The following PRKCQ variants were observed in gnomAD, a reference collection of about 807,000 sequenced individuals.
PRKCQ encodes protein kinase C theta.
A neutral mutation model predicts 91.2 loss-of-function variants in PRKCQ; 41 were observed. The observed-to-expected ratio is 0.45, with a 90% confidence interval of 0.35 to 0.58. The LOEUF (loss-of-function observed/expected upper bound fraction) is 0.58, where lower values mean the gene tolerates loss of function less well. Among genes scored for constraint, PRKCQ ranks in the 20% least tolerant of loss-of-function variants. The pLI is 0.00. For missense variants in PRKCQ, 673 were observed against 896.5 expected (o/e 0.75, Z 3.18); for synonymous variants, 307 against 316.9 (o/e 0.97, Z 0.33).
intron 1 of PRKCQ, among the ~76,000 whole-genome samples, chr10:6,572,807 C>T (rs896744965): frequency 5.3e-5 from 8 of 152,182 alleles, no homozygotes; most frequent in African/African-American, 1.9e-4. Flanking sequence ...GGAATTGCCA[C>T]ACCATCTTCC....
chr10:6,508,724 T>C (rs924593656), intron 3 of PRKCQ, among the ~76,000 whole-genome samples: 2 of 152,166 alleles, frequency 1.3e-5, no homozygotes, highest in African/African-American at 4.8e-5. Context: ...AATGGAATAA[T>C]GAAAATTGGC....
intron 1 of PRKCQ, among the ~76,000 whole-genome samples, chr10:6,517,845 C>G (rs1260813596): frequency 6.6e-6 from 1 of 151,994 alleles, no homozygotes; most frequent in Non-Finnish European, 1.5e-5. Context: ...GTAAGAAAGG[C>G]ACTGTTTATG....
intron 4 of PRKCQ, among the ~76,000 whole-genome samples, chr10:6,499,421 C>T (rs1837786091): frequency 6.6e-6 from 1 of 152,176 alleles, no homozygotes; most frequent in Admixed American, 6.5e-5. Context: ...GATGCCCTTG[C>T]TGAAGCCCAG....
At chr10:6,508,249 C>T (rs1838298390) in intron 3 of PRKCQ, among the ~76,000 whole-genome samples, 1 of 152,084 alleles carries the variant, frequency 6.6e-6, no homozygotes, top group Non-Finnish European at 1.5e-5. Flanking sequence ...TGTTGTTAAT[C>T]TATTAAACCA....
At chr10:6,543,669 A>G (rs752279085) in intron 1 of PRKCQ, among the ~76,000 whole-genome samples, 2 of 152,182 alleles carry the variant, frequency 1.3e-5, no homozygotes, top group Non-Finnish European at 2.9e-5. Context: ...CTCACACAGC[A>G]GGTTGCTGAC....
Position 6,456,733 on chromosome 10 carries a change from T to G in PRKCQ, c.1588A>C (p.Met530Leu), listed in dbSNP as rs769820813. The change falls in exon 15 of 18, where the codon ATG (methionine) becomes CTG (leucine). Residue 530 changes from methionine to leucine, a missense_variant. By Grantham distance (15) the Met-to-Leu change is conservative. Transcript: ENST00000263125. ...GTATTCGTCTTGGCATCTCCTAACATGTTCTCCTTGCACATTCCAAAATCC... is the reference window on the plus strand; with the variant it reads ...GTATTCGTCTTGGCATCTCCTAACAGGTTCTCCTTGCACATTCCAAAATCC... Reference protein sequence around the residue: ...IADFGMCKENMLGDAKTNTFC... With the variant: ...IADFGMCKENLLGDAKTNTFC... 6.2e-7 allele frequency: 1 copy of G among 1,614,196 alleles called. No individual in the cohort carries two copies. The highest frequency in any genetic ancestry group is 8.5e-7 in the Non-Finnish European group (1 of 1,180,016).
chr10:6,416,655 A>G, the PRKCQ span, among the ~76,000 whole-genome samples: 1 of 152,182 alleles, frequency 6.6e-6, no homozygotes, highest in East Asian at 1.9e-4. Context: ...GCAGTTGTGA[A>G]TTGTGCTGTT....
At chr10:6,555,965 T>C (rs1840395807) in intron 1 of PRKCQ, among the ~76,000 whole-genome samples, 1 of 152,122 alleles carries the variant, frequency 6.6e-6, no homozygotes, top group African/African-American at 2.4e-5. Flanking sequence ...GCTGAGATCG[T>C]GCCACTGCAC....
intron 1 of PRKCQ, among the ~76,000 whole-genome samples, chr10:6,556,085 ACAG>A (rs1239564004): frequency 6.6e-6 from 1 of 152,194 alleles, no homozygotes; most frequent in African/African-American, 2.4e-5. Context: ...AGAGTGTTAT[ACAG>A]CAGAAGAATA....
chr10:6,560,444 T>TA (rs773673086), intron 1 of PRKCQ, among the ~76,000 whole-genome samples: 16 of 152,164 alleles, frequency 1.1e-4, no homozygotes, highest in Non-Finnish European at 8.8e-5. Context: ...TGACTGAATC[T>TA]AAAAACCTTC....
chr10:6,434,443 A>G (rs1038854787), intron 16 of PRKCQ, among the ~76,000 whole-genome samples: 2 of 152,248 alleles, frequency 1.3e-5, no homozygotes, highest in Admixed American at 6.5e-5. Flanking sequence ...CTGAGCGTCA[A>G]TATTCTTTCC....
intron 4 of PRKCQ, among the ~76,000 whole-genome samples, chr10:6,506,196 T>C (rs1370057753): frequency 6.6e-6 from 1 of 152,230 alleles, no homozygotes; most frequent in Non-Finnish European, 1.5e-5. Context: ...ATTTTTCCCA[T>C]CTCAGTAATT....
intron 1 of PRKCQ, among the ~76,000 whole-genome samples, chr10:6,578,018 C>T (rs550866931): frequency 7.2e-5 from 11 of 152,240 alleles, no homozygotes; most frequent in Non-Finnish European, 1.6e-4. Flanking sequence ...GAAGAGACAG[C>T]ATGTGTTAGA....
chr10:6,502,319 G>A (rs543372012), intron 4 of PRKCQ, among the ~76,000 whole-genome samples: 2 of 152,324 alleles, frequency 1.3e-5, no homozygotes, highest in Admixed American at 1.3e-4. Context: ...GCTGAATTCT[G>A]GACAGGTAAC....
At chr10:6,573,719 TTTTTC>T (rs1275986687) in intron 1 of PRKCQ, among the ~76,000 whole-genome samples, 3 of 152,200 alleles carry the variant, frequency 2.0e-5, no homozygotes, top group Non-Finnish European at 4.4e-5. Flanking sequence ...GATAGAAATT[TTTTTC>T]TTTTAACACT....
chr10:6,580,505 C>T (rs1249826692), upstream of PRKCQ: 2 of 152,482 alleles, frequency 1.3e-5, no homozygotes, highest in Non-Finnish European at 2.9e-5. Flanking sequence ...CCTTACCAGC[C>T]ACTTGTCGCC....
intron 16 of PRKCQ, among the ~76,000 whole-genome samples, chr10:6,434,346 T>C (rs1207815163): frequency 1.3e-5 from 2 of 152,202 alleles, no homozygotes; most frequent in Non-Finnish European, 2.9e-5. Context: ...TCAATGGGCT[T>C]TCTTAGCTTG....
At chr10:6,454,782 C>T (rs1834919975) in intron 15 of PRKCQ, among the ~76,000 whole-genome samples, 1 of 152,042 alleles carries the variant, frequency 6.6e-6, no homozygotes. Context: ...ACAGCGAAGA[C>T]CACAGTCATC....
At chr10:6,420,170 G>A in the PRKCQ span, among the ~76,000 whole-genome samples, 2 of 152,234 alleles carry the variant, frequency 1.3e-5, no homozygotes, top group Non-Finnish European at 2.9e-5. Flanking sequence ...TGTATTTTTA[G>A]TAGAGATGGG....
Sources: gnomAD v4.1 joint callset for allele counts (sites outside exome capture counted in the v4.1 genomes callset) on GRCh38, gnomAD v4.1.1 for gene constraint, MANE v1.5 for transcripts, NCBI Gene and HGNC (gene_info 2026-07-23, HGNC 2026-07-21) for gene names.